The following EML5 variants were observed in gnomAD, a reference collection of about 807,000 sequenced individuals.
The protein encoded by EML5 is EMAP like 5, also known as echinoderm microtubule-associated protein-like 5.
Under a neutral mutation model 250.0 loss-of-function variants are expected in EML5, and 120 were observed. The ratio of observed to expected loss-of-function variants is 0.48; its 90% confidence interval spans 0.41 to 0.56. The LOEUF (loss-of-function observed/expected upper bound fraction) is 0.56. EML5 is among the 20% of genes least tolerant of loss of function. The pLI is 0.00. For missense variants in EML5, 2,006 were observed against 2,437.6 expected, an observed-to-expected ratio of 0.82 and a Z score of 3.73; for synonymous variants, 771 against 806.5, an observed-to-expected ratio of 0.96 and a Z score of 0.75.
intron 17 of EML5, among the ~76,000 whole-genome samples, chr14:88,690,765 T>C (rs1418738315): frequency 6.6e-6 from 1 of 152,036 alleles, no homozygotes. Context: ...GATGATACAG[T>C]AGAGAAAGGG....
chr14:88,778,214 C>T (rs536753022), intron 1 of EML5, among the ~76,000 whole-genome samples: 24 of 151,060 alleles, frequency 1.6e-4, no homozygotes, highest in African/African-American at 4.9e-4. Flanking sequence ...AAGACCTGAA[C>T]GAAAGAAGGA....
chr14:88,701,655 A>C (rs2093212010), intron 14 of EML5, among the ~76,000 whole-genome samples: 1 of 152,158 alleles, frequency 6.6e-6, no homozygotes, highest in African/African-American at 2.4e-5. Context: ...GCTATATAGG[A>C]GGATGCAAGT....
intron 27 of EML5, among the ~76,000 whole-genome samples, chr14:88,655,407 G>A (rs1267682237): frequency 1.3e-5 from 2 of 152,042 alleles, no homozygotes; most frequent in South Asian, 2.1e-4. Context: ...ATGGTGTTGG[G>A]GAAACTAGCT....
intron 28 of EML5, among the ~76,000 whole-genome samples, chr14:88,648,984 T>G (rs1163477936): frequency 6.6e-6 from 1 of 152,134 alleles, no homozygotes; most frequent in Non-Finnish European, 1.5e-5. Flanking sequence ...TCAAGTCTAC[T>G]GTTTTCATCC....
Position 88,688,424 on chromosome 14 carries a change from A to T in EML5, c.2589T>A (p.Asn863Lys), listed in dbSNP as rs771614664. 1.3e-5 allele frequency: 21 copies of T among 1,613,818 alleles called. No individual in the cohort carries two copies. Among genetic ancestry groups the T allele is most frequent in the Admixed American group, 6.7e-5 (4 of 59,998 alleles). The change falls in exon 18 of 44, where the codon AAT becomes AAA. Residue 863 changes from asparagine (N) to lysine (K), a missense_variant. Asn to Lys is a moderately conservative substitution (Grantham distance 94). Around this residue, in one of 7 missense-constraint regions of EML5, gnomAD observed 1,375 missense variants for 1,590.3 expected, o/e 0.86. Transcript: ENST00000554922. The stretch of plus-strand genomic sequence containing the variant: ...CATACACTGCACACATCATTGTGTC[A>T]TTTTTCCCCAGTGTGCCTATGTAGC... Reference protein sequence around the residue: ...RKGYIGTLGKNDTMMCAVYGW... With the variant: ...RKGYIGTLGKKDTMMCAVYGW...
At chr14:88,685,941 C>G (rs1318423452) in intron 19 of EML5, among the ~76,000 whole-genome samples, 3 of 151,960 alleles carry the variant, frequency 2.0e-5, no homozygotes, top group Non-Finnish European at 4.4e-5. Flanking sequence ...ATACAGAGGG[C>G]CAACTATATT....
At chr14:88,657,677 T>C (rs530225671) in intron 26 of EML5, among the ~76,000 whole-genome samples, 175 bp from the exon 27 acceptor site, 4 of 152,308 alleles carry the variant, frequency 2.6e-5, no homozygotes, top group South Asian at 4.1e-4. Context: ...TTATATGTAA[T>C]GATGTTTTCA....
At chr14:88,774,135 G>GAAAACAA (rs879668112) in intron 1 of EML5, among the ~76,000 whole-genome samples, 1 of 152,018 alleles carries the variant, frequency 6.6e-6, no homozygotes, top group Non-Finnish European at 1.5e-5. Context: ...GCAAAAAACA[G>GAAAACAA]AAAACAAAAA....
Position 88,702,543 on chromosome 14 carries a change from T to C in EML5, c.2141A>G (p.Asn714Ser). The C allele has an allele frequency of 6.2e-7, 1 of 1,613,494 alleles. No individual in the cohort carries two copies. The highest frequency in any genetic ancestry group is 8.5e-7 in the Non-Finnish European group (1 of 1,179,646). Residue 714 changes from asparagine to serine, a missense_variant, in exon 14 of 44, where the codon AAT (asparagine) becomes AGT (serine). Physicochemically the swap from Asn to Ser is conservative, Grantham distance 46 (BLOSUM62 1). This residue lies in a region of EML5 where 1,375 missense variants were observed against 1,590.3 expected (regional missense o/e 0.86). Coordinates refer to ENST00000554922, the MANE Select transcript of EML5 (RefSeq NM_183387.3). ...AAAACGCTGTGTGTTTTGCTGTCGATTATAAATGACACCCACTGCTGCCAC... is the reference window on the plus strand; with the variant it reads ...AAAACGCTGTGTGTTTTGCTGTCGACTATAAATGACACCCACTGCTGCCAC... ...YHVAAVGVIY[N>S]RQQNTQRFYL...
chr14:88,627,279 G>A (rs955731506), intron 34 of EML5: 4 of 549,844 alleles, frequency 7.3e-6, no homozygotes, highest in South Asian at 2.4e-5. Context: ...TTTGTCTAAA[G>A]TGTGGTAGGT....
intron 33 of EML5, among the ~76,000 whole-genome samples, chr14:88,631,207 A>C (rs1379778816): frequency 1.3e-5 from 2 of 152,230 alleles, no homozygotes; most frequent in Non-Finnish European, 2.9e-5. Flanking sequence ...AATGTATTCA[A>C]TGCTAACTTT....
intron 1 of EML5, among the ~76,000 whole-genome samples, chr14:88,760,925 C>T (rs149379373): frequency 2.8e-4 from 43 of 152,192 alleles, no homozygotes; most frequent in South Asian, 1.0e-3. Context: ...GACAGTATTG[C>T]TGTAAAATTT....
At chr14:88,721,368 A>G (rs935564170) in intron 8 of EML5, among the ~76,000 whole-genome samples, 1 of 152,220 alleles carries the variant, frequency 6.6e-6, no homozygotes, top group Non-Finnish European at 1.5e-5. Context: ...CTCAAACTAT[A>G]TTACAAGGCT....
intron 8 of EML5, among the ~76,000 whole-genome samples, chr14:88,726,158 C>T (rs1235224794): frequency 6.6e-6 from 1 of 150,946 alleles, no homozygotes; most frequent in Non-Finnish European, 1.5e-5. Flanking sequence ...CTGTAAATAA[C>T]AACAACAACA....
intron 1 of EML5, among the ~76,000 whole-genome samples, chr14:88,785,821 G>C (rs7153778): frequency 0.4 from 61,000 of 152,012 alleles, 14,723 homozygotes; most frequent in African/African-American, 0.66. Context: ...TCCTGCCCCT[G>C]CCTCTCTTCA....
At chr14:88,701,419 G>A (rs1033027744) in intron 14 of EML5, among the ~76,000 whole-genome samples, 1 of 152,146 alleles carries the variant, frequency 6.6e-6, no homozygotes, top group Non-Finnish European at 1.5e-5. Context: ...CAGAATGTGA[G>A]TTTTCACCAT....
At chr14:88,651,527 C>T (rs906099636) in intron 27 of EML5, among the ~76,000 whole-genome samples, 11 of 151,814 alleles carry the variant, frequency 7.2e-5, no homozygotes, top group Admixed American at 1.3e-4. Flanking sequence ...TTCTGACATA[C>T]CAAATTTATC....
intron 23 of EML5, among the ~76,000 whole-genome samples, chr14:88,663,391 A>G (rs1487716643): frequency 6.6e-6 from 1 of 152,170 alleles, no homozygotes; most frequent in Non-Finnish European, 1.5e-5. Context: ...AACAAATGTT[A>G]AAATATTTTT....
At chr14:88,651,403 T>TA (rs1487673045) in intron 27 of EML5, among the ~76,000 whole-genome samples, 3 of 152,218 alleles carry the variant, frequency 2.0e-5, no homozygotes, top group Admixed American at 2.0e-4. Flanking sequence ...TCTTCATGAG[T>TA]AGTAAAATAT....
Sources: allele counts gnomAD v4.1 joint callset (sites outside exome capture counted in the v4.1 genomes callset), GRCh38; gene constraint gnomAD v4.1.1; regional missense constraint gnomAD v4.1.1; transcripts MANE v1.5; gene names NCBI Gene and HGNC (gene_info 2026-07-23, HGNC 2026-07-21).